Variants in CMSS1 observed in about 807,000 individuals in gnomAD.
CMSS1 encodes the protein cms1 ribosomal small subunit homolog, also known as protein CMSS1.
Under a neutral mutation model 43.5 loss-of-function variants are expected in CMSS1, and 33 were observed. That is an observed-to-expected ratio of 0.76 (90% CI 0.57 to 1.01). The LOEUF is 1.01. Among genes scored for constraint, CMSS1 ranks in the 50% least tolerant of loss-of-function variants. CMSS1 has a pLI of 0.00. For missense variants in CMSS1, 313 were observed against 326.4 expected, an observed-to-expected ratio of 0.96 and a Z score of 0.32; for synonymous variants, 115 against 117.2, an observed-to-expected ratio of 0.98 and a Z score of 0.12.
In CMSS1 at chr3:100,169,093, G is replaced by A. The variant is rs189042677; in HGVS notation, c.518+1253G>A. Among the ~76,000 whole-genome samples, 225 of 152,212 alleles carry A rather than the reference G, an allele frequency of 1.5e-3. 1 individual carries two copies. The highest frequency in any genetic ancestry group is 2.2e-3 in the Non-Finnish European group (147 of 68,004). Reference sequence around the variant, plus strand: ...AATCAGAAATCAGTAGGGAAAGACGGATTGTTTAATAAGTGGTGTTGGAAC... The same window carrying A: ...AATCAGAAATCAGTAGGGAAAGACGAATTGTTTAATAAGTGGTGTTGGAAC... On this transcript the variant is annotated intron_variant, in intron 6 of 9. Coordinates refer to ENST00000421999, the MANE Select transcript of CMSS1 (RefSeq NM_032359.4).
intron 1 of CMSS1, among the ~76,000 whole-genome samples, chr3:100,068,398 A>G (rs1355981401): frequency 6.6e-6 from 1 of 151,496 alleles, no homozygotes; most frequent in Non-Finnish European, 1.5e-5. Context: ...GAGATATAGT[A>G]TCTTTTGACT....
intron 1 of CMSS1, among the ~76,000 whole-genome samples, chr3:100,052,767 T>A (rs1283899246): frequency 6.6e-6 from 1 of 152,220 alleles, no homozygotes; most frequent in Non-Finnish European, 1.5e-5. Context: ...ACCAGTTGTT[T>A]GAGTATATAC....
intron 1 of CMSS1, among the ~76,000 whole-genome samples, chr3:99,927,473 G>A (rs545382207): frequency 9.2e-5 from 14 of 151,618 alleles, no homozygotes; most frequent in Admixed American, 3.9e-4. Context: ...GGGTTCAAGC[G>A]ATTCACCTGC....
intron 1 of CMSS1, among the ~76,000 whole-genome samples, chr3:99,866,941 CTTGT>C (rs1944550428): frequency 6.6e-6 from 1 of 152,250 alleles, no homozygotes; most frequent in Admixed American, 6.5e-5. Flanking sequence ...TTATCTGAGC[CTTGT>C]TTAATTTTCC....
intron 1 of CMSS1, among the ~76,000 whole-genome samples, chr3:99,844,619 C>G (rs1357950201): frequency 6.6e-6 from 1 of 152,168 alleles, no homozygotes; most frequent in Non-Finnish European, 1.5e-5. Context: ...AATCCTTAGA[C>G]TACAAATCTC....
At chr3:100,148,709 C>G (rs893973215) in intron 2 of CMSS1, among the ~76,000 whole-genome samples, 16 of 152,068 alleles carry the variant, frequency 1.1e-4, no homozygotes, top group African/African-American at 3.9e-4. Flanking sequence ...CAGTGGTTAT[C>G]AGAGAGTAAT....
At chr3:100,085,216 T>A (rs539698002) in intron 1 of CMSS1, among the ~76,000 whole-genome samples, 1 of 152,338 alleles carries the variant, frequency 6.6e-6, no homozygotes, top group Non-Finnish European at 1.5e-5. Flanking sequence ...ACAACCAACC[T>A]GAAGTTTGCC....
chr3:99,908,174 G>A (rs1005866760), intron 1 of CMSS1, among the ~76,000 whole-genome samples: 1 of 152,168 alleles, frequency 6.6e-6, no homozygotes, highest in Non-Finnish European at 1.5e-5. Flanking sequence ...CATAGCCCAT[G>A]CAGCTGGATA....
intron 8 of CMSS1, among the ~76,000 whole-genome samples, chr3:100,175,113 A>G (rs2067138528): frequency 1.3e-5 from 2 of 152,180 alleles, no homozygotes; most frequent in Non-Finnish European, 2.9e-5. Context: ...ATTCTATTGT[A>G]AATTTATTTT....
At chr3:99,848,832 G>T in intron 1 of CMSS1, 1 of 1,614,116 alleles carries the variant, frequency 6.2e-7, no homozygotes, top group Non-Finnish European at 8.5e-7. Context: ...CGTTTTGGAG[G>T]ATGGTTATCC....
At chr3:99,918,025 T>A (rs1645050324) in intron 1 of CMSS1, among the ~76,000 whole-genome samples, 1 of 152,226 alleles carries the variant, frequency 6.6e-6, no homozygotes, top group South Asian at 2.1e-4. Flanking sequence ...TTGCCCAGGC[T>A]GGAGTGCAGT....
chr3:99,900,231 T>A (rs1413585828), intron 1 of CMSS1, among the ~76,000 whole-genome samples: 1 of 152,120 alleles, frequency 6.6e-6, no homozygotes, highest in Non-Finnish European at 1.5e-5. Context: ...TCAACCTCCT[T>A]GAGTTTGAGA....
intron 1 of CMSS1, among the ~76,000 whole-genome samples, chr3:100,015,109 G>A (rs1419596080): frequency 6.6e-6 from 1 of 151,360 alleles, no homozygotes; most frequent in African/African-American, 2.4e-5. Context: ...TCTTCCTCAT[G>A]TAGATATCCA....
At chr3:99,918,792 A>C (rs1402667319) in intron 1 of CMSS1, among the ~76,000 whole-genome samples, 1 of 152,248 alleles carries the variant, frequency 6.6e-6, no homozygotes, top group African/African-American at 2.4e-5. Flanking sequence ...AATTCTGTAT[A>C]GAATTACAAT....
At chr3:100,098,277 GAAGTA>G (rs2066245573) in intron 1 of CMSS1, among the ~76,000 whole-genome samples, 1 of 152,186 alleles carries the variant, frequency 6.6e-6, no homozygotes, top group South Asian at 2.1e-4. Context: ...GAGGTAACGA[GAAGTA>G]AAGAAACAAG....
intron 1 of CMSS1, among the ~76,000 whole-genome samples, chr3:99,938,163 T>G (rs1011318939): frequency 4.6e-5 from 7 of 152,116 alleles, no homozygotes; most frequent in Non-Finnish European, 5.9e-5. Flanking sequence ...TCCATTTAAT[T>G]TCACTGAATT....
chr3:99,928,305 G>A (rs1399044472), intron 1 of CMSS1, among the ~76,000 whole-genome samples: 1 of 152,196 alleles, frequency 6.6e-6, no homozygotes, highest in Admixed American at 6.5e-5. Context: ...GGTTGTGTAC[G>A]TGGAGTTATT....
At chr3:99,868,512 A>G (rs1483606258) in intron 1 of CMSS1, among the ~76,000 whole-genome samples, 2 of 152,208 alleles carry the variant, frequency 1.3e-5, no homozygotes, top group Non-Finnish European at 2.9e-5. Flanking sequence ...AGTAGCTGCT[A>G]TAGGTTTGGC....
intron 1 of CMSS1, among the ~76,000 whole-genome samples, chr3:100,039,296 T>C (rs1559735764): frequency 6.6e-6 from 1 of 152,194 alleles, no homozygotes; most frequent in Non-Finnish European, 1.5e-5. Context: ...TTGATCACAG[T>C]AGTACAGCCT....
Sources: gnomAD v4.1 joint callset for allele counts (sites outside exome capture counted in the v4.1 genomes callset) on GRCh38, gnomAD v4.1.1 for gene constraint, MANE v1.5 for transcripts, NCBI Gene and HGNC (gene_info 2026-07-23, HGNC 2026-07-21) for gene names.